The following ERCC3 variants were observed in gnomAD, a reference collection of about 807,000 sequenced individuals.
ERCC3 encodes the protein general transcription and DNA repair factor IIH helicase/translocase subunit XPB.
ERCC3 carries 66 observed loss-of-function variants against 94.2 expected under a neutral mutation model. The observed-to-expected ratio is 0.70, with a 90% confidence interval of 0.57 to 0.86. ERCC3 has a LOEUF of 0.86. Among genes scored for constraint, ERCC3 ranks in the 40% least tolerant of loss-of-function variants. The probability of loss-of-function intolerance (pLI) is 0.00; values close to 1 mark genes in which losing one functional copy is unlikely to be tolerated. For missense variants in ERCC3, 829 were observed against 987.1 expected (o/e 0.84, Z 2.15); for synonymous variants, 349 against 369.1 (o/e 0.95, Z 0.63).
chr2:127,286,963 C>T lies in ERCC3; in HGVS notation c.1082G>A (p.Cys361Tyr), dbSNP rs775716891. The change falls in exon 8 of 15, where the codon TGT (cysteine) becomes TAT (tyrosine). Residue 361 changes from cysteine to tyrosine, a missense_variant. Transcript: ENST00000285398. ...AACAGCTGAGTTGCCCAGCACCAGACAGCGTTTTCTGACAGTGCATGCAGC... is the reference window on the plus strand; with the variant it reads ...AACAGCTGAGTTGCCCAGCACCAGATAGCGTTTTCTGACAGTGCATGCAGC... ...VTAACTVRKR[C>Y]LVLGNSAVSV... 6.2e-7 allele frequency: 1 copy of T among 1,614,082 alleles called. No homozygotes were observed. The highest frequency in any genetic ancestry group is 8.5e-7 in the Non-Finnish European group (1 of 1,180,022).
In ERCC3 at chr2:127,271,018, T is replaced by TAGATGTAGAGC; in HGVS notation, c.1945+317_1945+318insGCTCTACATCT. On this transcript the variant is annotated intron_variant, in intron 12 of 14. Transcript: ENST00000285398. This position sits in a 1 kb window ranked among gnomAD's most constrained non-coding sequence, Gnocchi z 5.0. ...ACTTACACTGGTGGCCCAGCTCTGT[T>TAGATGTAGAGC]TTCTCCCTTCCATGTCTACCCCATA... is the stretch of plus-strand genomic sequence containing the variant. Among the ~76,000 whole-genome samples, 2 of 152,158 alleles carry TAGATGTAGAGC rather than the reference T, an allele frequency of 1.3e-5. 1 individual carries two copies. The highest frequency in any genetic ancestry group is 4.8e-5 in the African/African-American group (2 of 41,434).
chr2:127,268,100 C>T (rs1178311078), intron 12 of ERCC3, among the ~76,000 whole-genome samples: 1 of 151,934 alleles, frequency 6.6e-6, no homozygotes, highest in Non-Finnish European at 1.5e-5. Flanking sequence ...ATTATAGGCA[C>T]CTGCCACCAC....
In ERCC3 at chr2:127,267,627, C is replaced by T. The variant is rs184497496; in HGVS notation, c.1945+3709G>A. Among the ~76,000 whole-genome samples, 157 of 152,230 alleles carry T rather than the reference C, an allele frequency of 1.0e-3. 2 individuals are homozygous for T. Among genetic ancestry groups the T allele is most frequent in the Non-Finnish European group, 8.8e-5 (6 of 68,024 alleles). On this transcript the variant is annotated intron_variant, in intron 12 of 14. Transcript: ENST00000285398. ...TCAAGGTTAATATTGAGACATGAGG[C>T]TTTATTCCTAACATGGTGTCATTAG...
intron 12 of ERCC3, among the ~76,000 whole-genome samples, chr2:127,270,018 C>T (rs1362819568): frequency 1.3e-5 from 2 of 150,374 alleles, no homozygotes; most frequent in Non-Finnish European, 3.0e-5. Context: ...AAGACTCTAT[C>T]TCAATCAATC....
At chr2:127,267,780 C>T (rs1286192597) in intron 12 of ERCC3, among the ~76,000 whole-genome samples, 3 of 152,152 alleles carry the variant, frequency 2.0e-5, no homozygotes, top group African/African-American at 7.2e-5. Context: ...TCAAGACTCT[C>T]TTGTAGGGCC....
chr2:127,290,653 G>T, intron 3 of ERCC3: 1 of 319,978 alleles, frequency 3.1e-6, no homozygotes, highest in South Asian at 2.9e-5. Flanking sequence ...AAAATGCAAA[G>T]CCTCTTCACC....
At chr2:127,283,090 TTTTTC>T (rs1391528816) in intron 8 of ERCC3, among the ~76,000 whole-genome samples, 4 of 141,102 alleles carry the variant, frequency 2.8e-5, no homozygotes, top group Admixed American at 7.4e-5. Context: ...CCTTCCACCT[TTTTTC>T]TTTTGAGTTT....
At position 127,286,935 on chromosome 2, in the gene ERCC3, A is replaced by C; in HGVS notation, c.1110T>G (p.Ser370=). 4 of 1,614,122 alleles carry C rather than the reference A, an allele frequency of 2.5e-6. No homozygotes were observed. Among genetic ancestry groups the C allele is most frequent in the Non-Finnish European group, 3.4e-6 (4 of 1,179,958 alleles). The part of the protein sequence containing the change: ...RCLVLGNSAV[S]VEQWKAQFKM... ...TGAACTGGGCTTTCCACTGCTCCAC[A>C]GAAACAGCTGAGTTGCCCAGCACCA... The change falls in exon 8 of 15, where the codon TCT becomes TCG. Residue 370 remains serine, a synonymous_variant. Transcript: ENST00000285398.
rs1162859592 is a variant in ERCC3 at position 127,264,719 on chromosome 2, C to T, written c.1946-3373G>A. Among the ~76,000 whole-genome samples the T allele has an allele frequency of 6.6e-6, 1 of 151,992 alleles. No individual in the cohort carries two copies. Among genetic ancestry groups the T allele is most frequent in the East Asian group, 1.9e-4 (1 of 5,192 alleles). ...CTGTAGTTTTTTCATCGTGTCTTTG[C>T]CAGATTTTGGTATCAGGATGATAGT... On this transcript the variant is annotated intron_variant, in intron 12 of 14. Coordinates refer to ENST00000285398, the MANE Select transcript of ERCC3 (RefSeq NM_000122.2). This position sits in a 1 kb window ranked among gnomAD's most constrained non-coding sequence, Gnocchi z 4.4.
Position 127,271,264 on chromosome 2 carries a change from C to T in ERCC3, c.1945+72G>A. 1 of 1,036,306 alleles carries T rather than the reference C, an allele frequency of 9.6e-7. No individual in the cohort carries two copies. The highest frequency in any genetic ancestry group is 1.5e-6 in the Non-Finnish European group (1 of 652,938). The allele number at this position is 1,036,306 out of a possible 1,614,324, so 64.2% of individuals were successfully genotyped here. A position where few individuals can be genotyped will look rare whatever the true frequency, so the allele number is the denominator to read the frequency against. ...CCCAGGGCACATGGCAGCTCTCACC[C>T]CTATCGTCTTCCTAACTAAAGTGGT... is the stretch of plus-strand genomic sequence containing the variant. On this transcript the variant is annotated intron_variant, in intron 12 of 14. Transcript: ENST00000285398. The surrounding 1 kb of genome is among the most constrained non-coding windows in gnomAD (Gnocchi z 5.0).
At chr2:127,276,955 G>C (rs754087866) in intron 10 of ERCC3, among the ~76,000 whole-genome samples, 5 of 152,166 alleles carry the variant, frequency 3.3e-5, no homozygotes, top group Non-Finnish European at 7.3e-5. Flanking sequence ...CCAAACTACT[G>C]ATCAAGTATA....
Position 127,291,332 on chromosome 2 carries a change from T to C in ERCC3, c.472-1059A>G, listed in dbSNP as rs72845953. Among the ~76,000 whole-genome samples the C allele has an allele frequency of 0.034, 5,162 of 152,088 alleles. 126 individuals carry two copies. Among genetic ancestry groups the C allele is most frequent in the Middle Eastern group, 0.071 (21 of 294 alleles). On this transcript the variant is annotated intron_variant, in intron 3 of 14. Coordinates refer to ENST00000285398, the MANE Select transcript of ERCC3 (RefSeq NM_000122.2). The surrounding 1 kb of genome is among the most constrained non-coding windows in gnomAD (Gnocchi z 4.9). ...GTGCAATGAATGGTGAGATCTCAGCTCACTTCAACCTCTGCCGCCCGGGTT... is the reference window on the plus strand; with the variant it reads ...GTGCAATGAATGGTGAGATCTCAGCCCACTTCAACCTCTGCCGCCCGGGTT...
chr2:127,275,593 G>T (rs1273844839), intron 10 of ERCC3, among the ~76,000 whole-genome samples: 1 of 152,168 alleles, frequency 6.6e-6, no homozygotes, highest in Non-Finnish European at 1.5e-5. Context: ...AAATGTAGGT[G>T]GGGGAGGCCC....
At position 127,272,941 on chromosome 2, in the gene ERCC3, G is replaced by A. The variant is rs2104750450; in HGVS notation, c.1751C>T (p.Thr584Met). ...RLNKPYIYGPTSQGERMQILQ... is the reference protein window; with the variant it reads ...RLNKPYIYGPMSQGERMQILQ... The stretch of plus-strand genomic sequence containing the variant: ...AATTTGCATCCTTTCCCCCTGAGAC[G>A]TAGGTCCGTAGATATAGGGTCTAGA... The change falls in exon 11 of 15, where the codon ACG becomes ATG. Residue 584 changes from threonine (T) to methionine (M), a missense_variant. Thr to Met is a moderately conservative substitution (Grantham distance 81). Transcript: ENST00000285398. 1.2e-6 allele frequency: 2 copies of A among 1,609,840 alleles called. No individual in the cohort carries two copies. The highest frequency in any genetic ancestry group is 1.7e-6 in the Non-Finnish European group (2 of 1,176,112).
rs528757693 is a variant in ERCC3 at position 127,277,419 on chromosome 2, T to C, written c.1730+1754A>G. Among the ~76,000 whole-genome samples, 15 of 152,248 alleles carry C rather than the reference T, an allele frequency of 9.9e-5. No individual in the cohort carries two copies. In the South Asian group the frequency reaches 3.1e-3, roughly 32 times the overall value. On this transcript the variant is annotated intron_variant, in intron 10 of 14. Transcript: ENST00000285398. This position sits in a 1 kb window ranked among gnomAD's most constrained non-coding sequence, Gnocchi z 5.1. ...AAAAAAGAAAATGTAAGGCCGGGCA[T>C]GGTGGCTCACACCTGTAATCCCAGC...
chr2:127,292,663 G>A lies in ERCC3; in HGVS notation c.418C>T (p.Leu140Phe), dbSNP rs1209294822. 6.2e-7 allele frequency: 1 copy of A among 1,614,042 alleles called. No homozygotes were observed. Among genetic ancestry groups the A allele is most frequent in the Non-Finnish European group, 8.5e-7 (1 of 1,180,018 alleles). Residue 140 changes from leucine to phenylalanine, a missense_variant, in exon 3 of 15, where the codon CTC (leucine) becomes TTC (phenylalanine). Leu to Phe is a conservative substitution (Grantham distance 22). Transcript: ENST00000285398. ...GLQTSDITEY[L>F]RKLSKTGVPD... ...ACTCCAGTCTTGCTGAGCTTCCTGAGGTACTCGGTGATGTCACTGGTTTGC... is the reference window on the plus strand; with the variant it reads ...ACTCCAGTCTTGCTGAGCTTCCTGAAGTACTCGGTGATGTCACTGGTTTGC...
intron 13 of ERCC3, chr2:127,260,414 T>C (rs182298706): frequency 2.6e-5 from 4 of 152,360 alleles, no homozygotes; most frequent in Admixed American, 1.3e-4. Flanking sequence ...AAAAAGGTCA[T>C]GATGCAAATC....
chr2:127,261,468 C>T, intron 12 of ERCC3, 122 bp from the exon 13 acceptor site: 2 of 771,810 alleles, frequency 2.6e-6, no homozygotes, highest in Admixed American at 1.7e-5. Context: ...CTCGGGGTTA[C>T]CACCTGAACT....
At position 127,257,357 on chromosome 2, in the gene ERCC3, T is replaced by G; in HGVS notation, c.*239A>C. ...AAATACACCTTAAATATTAACATTT[T>G]TTATATACAGAAATGACCCCACTCC... On this transcript the variant is annotated 3_prime_UTR_variant, in exon 15 of 15. Transcript: ENST00000285398. This position sits in a 1 kb window ranked among gnomAD's most constrained non-coding sequence, Gnocchi z 5.4. The G allele has an allele frequency of 1.8e-6, 1 of 562,964 alleles. No homozygotes were observed. The highest frequency in any genetic ancestry group is 3.1e-5 in the Admixed American group (1 of 32,520). 34.9% of individuals were successfully genotyped at this position (562,964 alleles called of 1,614,324 possible). A position where few individuals can be genotyped will look rare whatever the true frequency, so the allele number is the denominator to read the frequency against.
Sources: allele counts gnomAD v4.1 joint callset (sites outside exome capture counted in the v4.1 genomes callset), GRCh38; gene constraint gnomAD v4.1.1; non-coding constraint Gnocchi (gnomAD v3.1); transcripts MANE v1.5; gene names NCBI Gene and HGNC (gene_info 2026-07-23, HGNC 2026-07-21).